VAV3: variants seen among roughly 807,000 people sequenced by gnomAD.
VAV3 encodes the protein vav guanine nucleotide exchange factor 3.
VAV3 carries 94 observed loss-of-function variants against 131.2 expected under a neutral mutation model. The ratio of observed to expected loss-of-function variants is 0.72; its 90% CI spans 0.61 to 0.85. VAV3 has a LOEUF of 0.85. Among genes scored for constraint, VAV3 ranks in the 40% least tolerant of loss-of-function variants. The pLI, the probability that VAV3 is intolerant of heterozygous loss-of-function variation, is 0.00. For missense variants in VAV3, 939 were observed against 1,002.7 expected (o/e 0.94, Z 0.86); for synonymous variants, 349 against 342.0 (o/e 1.02, Z -0.22).
intron 1 of VAV3, among the ~76,000 whole-genome samples, chr1:107,902,586 A>G (rs1671913132): frequency 6.6e-6 from 1 of 152,108 alleles, no homozygotes; most frequent in Admixed American, 6.6e-5. Context: ...TATTCTTTAC[A>G]TTGATTTATG....
chr1:107,589,328 A>C (rs1036803720), intron 25 of VAV3, among the ~76,000 whole-genome samples: 6 of 152,326 alleles, frequency 3.9e-5, no homozygotes, highest in African/African-American at 1.4e-4. Context: ...GTGGGCCCTA[A>C]ATCCAATGAC....
intron 1 of VAV3, among the ~76,000 whole-genome samples, chr1:107,910,946 C>T (rs936258651): frequency 2.6e-5 from 4 of 151,320 alleles, no homozygotes; most frequent in African/African-American, 9.7e-5. Context: ...CACCATTGCA[C>T]TCTGGGCTGG....
At chr1:107,593,017 T>C (rs1651087681) in intron 25 of VAV3, among the ~76,000 whole-genome samples, 1 of 152,058 alleles carries the variant, frequency 6.6e-6, no homozygotes, top group South Asian at 2.1e-4. Flanking sequence ...AGTTCTCTCT[T>C]TGTTCTTTTT....
intron 1 of VAV3, among the ~76,000 whole-genome samples, chr1:107,961,040 GT>G (rs1462178199): frequency 4.6e-5 from 7 of 152,050 alleles, no homozygotes; most frequent in African/African-American, 1.7e-4. Context: ...ACTTTGTTGA[GT>G]TTGTCCAAGA....
In VAV3 at chr1:107,952,398, A is replaced by G. The variant is rs538370603; in HGVS notation, c.204+12268T>C. On this transcript the variant is annotated intron_variant, in intron 1 of 26. Coordinates refer to ENST00000370056, the MANE Select transcript of VAV3 (RefSeq NM_006113.5). ...CCTGGGTGATGAAATAATCTGCACA[A>G]TAAACCCCCATGACACACGTTTACC... 1.1e-4 allele frequency among the ~76,000 whole-genome samples: 17 copies of G among 150,364 alleles called. No individual in the cohort carries two copies. The South Asian group carries it at 3.6e-3, about 32-fold the overall frequency.
At chr1:107,789,221 C>T (rs1666164276) in intron 2 of VAV3, among the ~76,000 whole-genome samples, 1 of 152,208 alleles carries the variant, frequency 6.6e-6, no homozygotes, top group East Asian at 1.9e-4. Flanking sequence ...AAAGTCAACA[C>T]ATTTTCCAAA....
chr1:107,862,960 G>A (rs1669809214), intron 2 of VAV3, among the ~76,000 whole-genome samples: 1 of 151,598 alleles, frequency 6.6e-6, no homozygotes, highest in African/African-American at 2.4e-5. Flanking sequence ...ACCCAACCAA[G>A]CAACCAACTG....
chr1:107,912,059 T>TTG lies in VAV3; in HGVS notation c.205-37044_205-37043dup, dbSNP rs200212088. On this transcript the variant is annotated intron_variant, in intron 1 of 26. Transcript: ENST00000370056. ...TACCAAGTGTTTTTTGTTTGTTTGT[T>TTG]TGTGTGTGTGTGTGCGTGTTTACGT... 2.2e-4 allele frequency among the ~76,000 whole-genome samples: 33 copies of TTG among 150,534 alleles called. No individual in the cohort carries two copies. In the East Asian group the frequency reaches 4.8e-3, roughly 22 times the overall value.
intron 1 of VAV3, among the ~76,000 whole-genome samples, chr1:107,934,011 G>A (rs578203527): frequency 1.3e-5 from 2 of 152,198 alleles, no homozygotes; most frequent in South Asian, 2.1e-4. Context: ...CTGGTCTCTG[G>A]CCAGCTTTGT....
intron 2 of VAV3, among the ~76,000 whole-genome samples, chr1:107,814,692 A>T (rs1051651865): frequency 6.6e-6 from 1 of 152,110 alleles, no homozygotes; most frequent in African/African-American, 2.4e-5. Flanking sequence ...TAGCCATAAA[A>T]TTTTTGCAAG....
intron 1 of VAV3, among the ~76,000 whole-genome samples, chr1:107,888,182 C>A (rs1671129942): frequency 6.6e-6 from 1 of 152,178 alleles, no homozygotes; most frequent in Admixed American, 6.5e-5. Context: ...ACTGTGATAT[C>A]TTCTTTATTG....
At chr1:107,812,257 G>A (rs1667348768) in intron 2 of VAV3, among the ~76,000 whole-genome samples, 2 of 152,150 alleles carry the variant, frequency 1.3e-5, no homozygotes, top group South Asian at 2.1e-4. Context: ...TGCATAGATA[G>A]ATTCATGCAC....
intron 1 of VAV3, among the ~76,000 whole-genome samples, chr1:107,893,589 G>A (rs775261564): frequency 5.9e-5 from 9 of 152,112 alleles, no homozygotes; most frequent in South Asian, 2.1e-4. Flanking sequence ...AAAAGCTTCC[G>A]GAGGGAAACT....
chr1:107,858,748 A>C (rs1669595195), intron 2 of VAV3, among the ~76,000 whole-genome samples: 1 of 152,150 alleles, frequency 6.6e-6, no homozygotes, highest in Non-Finnish European at 1.5e-5. Context: ...TGGTACCTAA[A>C]AGGTTGGGGA....
chr1:107,790,909 A>G (rs980005476), intron 2 of VAV3, among the ~76,000 whole-genome samples: 1 of 151,742 alleles, frequency 6.6e-6, no homozygotes, highest in Non-Finnish European at 1.5e-5. Flanking sequence ...GCTGGTCTCA[A>G]ACTCCTGACC....
At chr1:107,855,668 C>T (rs1669436052) in intron 2 of VAV3, among the ~76,000 whole-genome samples, 1 of 152,114 alleles carries the variant, frequency 6.6e-6, no homozygotes, top group Non-Finnish European at 1.5e-5. Context: ...GAGTTTCAAA[C>T]ATGACTGATG....
Position 107,578,734 on chromosome 1 carries a change from G to A in VAV3, c.2351-4536C>T, listed in dbSNP as rs567124539. 5.3e-4 allele frequency: 517 copies of A among 983,328 alleles called. 5 individuals are homozygous for A. The highest frequency in any genetic ancestry group is 4.9e-4 in the Admixed American group (8 of 16,254). The allele number at this position is 983,328 out of a possible 1,614,324, so 60.9% of individuals were successfully genotyped here. A position where few individuals can be genotyped will look rare whatever the true frequency, so the allele number is the denominator to read the frequency against. ...CGCCATTCTCCTGCCTCAGCCTCCC[G>A]AGTAGCTGGGACTGTTTTCTAAGTG... On this transcript the variant is annotated intron_variant, in intron 25 of 26. Coordinates refer to ENST00000370056, the MANE Select transcript of VAV3 (RefSeq NM_006113.5).
At chr1:107,746,281 T>C (rs1663339056) in intron 15 of VAV3, among the ~76,000 whole-genome samples, 1 of 152,192 alleles carries the variant, frequency 6.6e-6, no homozygotes, top group Admixed American at 6.5e-5. Flanking sequence ...TAACCATATA[T>C]AATATAACCC....
At chr1:107,696,490 T>C (rs1233653825) in intron 17 of VAV3, among the ~76,000 whole-genome samples, 2 of 152,204 alleles carry the variant, frequency 1.3e-5, no homozygotes, top group Admixed American at 6.5e-5. Context: ...GCAATGTTTA[T>C]AACAACTCCT....
Sources: allele counts gnomAD v4.1 joint callset (sites outside exome capture counted in the v4.1 genomes callset), GRCh38; gene constraint gnomAD v4.1.1; transcripts MANE v1.5; gene names NCBI Gene and HGNC (gene_info 2026-07-23, HGNC 2026-07-21).